Variants in RBFOX1 observed in about 807,000 individuals in gnomAD.
RBFOX1 encodes RNA binding protein fox-1 homolog 1.
RBFOX1 carries 8 observed loss-of-function variants against 57.7 expected under a neutral mutation model. The observed-to-expected ratio is 0.14, with a 90% confidence interval of 0.08 to 0.25. The LOEUF (loss-of-function observed/expected upper bound fraction) is 0.25, where lower values mean the gene tolerates loss of function less well. RBFOX1 is among the 10% of genes least tolerant of loss of function. The probability of loss-of-function intolerance (pLI) is 1.00; values close to 1 mark genes in which losing one functional copy is unlikely to be tolerated. For missense variants in RBFOX1, 611 were observed against 548.5 expected, an observed-to-expected ratio of 1.11 and a Z score of -1.14; for synonymous variants, 326 against 222.4, an observed-to-expected ratio of 1.47 and a Z score of -4.15.
intron 4 of RBFOX1, among the ~76,000 whole-genome samples, chr16:7,366,488 G>A (rs551311187): frequency 1.3e-5 from 2 of 152,272 alleles, no homozygotes; most frequent in Admixed American, 1.3e-4. Flanking sequence ...AAACCCTCCA[G>A]GACAGACAGG....
At chr16:6,873,542 G>A (rs1361046371) in intron 3 of RBFOX1, among the ~76,000 whole-genome samples, 6 of 151,932 alleles carry the variant, frequency 3.9e-5, no homozygotes, top group East Asian at 1.9e-4. Context: ...ATTATTTTCA[G>A]CTTAAAAAAA....
chr16:7,315,062 A>G (rs772135370), intron 4 of RBFOX1, among the ~76,000 whole-genome samples: 12 of 149,498 alleles, frequency 8.0e-5, no homozygotes, highest in Admixed American at 2.7e-4. Flanking sequence ...CCCTCAATCA[A>G]TCTTTCAAGA....
intron 3 of RBFOX1, among the ~76,000 whole-genome samples, chr16:5,738,718 C>T (rs1417924628): frequency 1.3e-5 from 2 of 150,946 alleles, no homozygotes; most frequent in African/African-American, 4.9e-5. Context: ...AGGTTTTCCA[C>T]TGGGGCATTT....
chr16:5,663,305 G>C (rs2049718474), intron 3 of RBFOX1, among the ~76,000 whole-genome samples: 1 of 152,052 alleles, frequency 6.6e-6, no homozygotes. Flanking sequence ...CAACCTCCTG[G>C]GTTCAAGAGG....
chr16:6,435,030 T>C (rs75906082), intron 2 of RBFOX1, among the ~76,000 whole-genome samples: 1 of 152,172 alleles, frequency 6.6e-6, no homozygotes, highest in Non-Finnish European at 1.5e-5. Flanking sequence ...GCCCTGAGTC[T>C]AAGCTCCAGC....
chr16:7,364,509 C>T (rs183987219), intron 4 of RBFOX1, among the ~76,000 whole-genome samples: 1 of 147,670 alleles, frequency 6.8e-6, no homozygotes, highest in African/African-American at 2.5e-5. Flanking sequence ...TCTACTTGGA[C>T]TATCTTTGGC....
At chr16:5,424,992 T>C (rs903027508) in intron 1 of RBFOX1, among the ~76,000 whole-genome samples, 1 of 57,148 alleles carries the variant, frequency 1.7e-5, no homozygotes, top group Non-Finnish European at 5.1e-5. Context: ...TCTTTTCTTT[T>C]CTTTTCTTTT....
chr16:7,061,911 C>T (rs183823950), intron 4 of RBFOX1, among the ~76,000 whole-genome samples: 4 of 152,074 alleles, frequency 2.6e-5, no homozygotes, highest in Non-Finnish European at 4.4e-5. Flanking sequence ...AATAGGGCAT[C>T]TCTAGTTCCC....
At chr16:5,837,556 G>C (rs1007790595) in intron 3 of RBFOX1, among the ~76,000 whole-genome samples, 4 of 151,076 alleles carry the variant, frequency 2.6e-5, no homozygotes, top group African/African-American at 9.7e-5. Flanking sequence ...TGTTGGGGCA[G>C]GAGGAGGTGG....
At position 7,453,084 on chromosome 16, in the gene RBFOX1, G is replaced by A. The variant is rs111235596; in HGVS notation, c.28-65063G>A. Among the ~76,000 whole-genome samples the A allele has an allele frequency of 4.9e-3, 722 of 145,888 alleles. 4 individuals are homozygous for A. Among genetic ancestry groups the A allele is most frequent in the African/African-American group, 0.017 (658 of 39,162 alleles). On this transcript the variant is annotated intron_variant, in intron 4 of 15. Coordinates refer to ENST00000550418, the MANE Select transcript of RBFOX1 (RefSeq NM_018723.4). ...GTGGAGGTTGCAGTGAGCTGAGATC[G>A]CACCACTGCACTCCAGGCTGGATGA...
chr16:6,069,197 G>A (rs141518911), intron 1 of RBFOX1, among the ~76,000 whole-genome samples: 3,119 of 152,066 alleles, frequency 0.021, 113 homozygotes, highest in African/African-American at 0.071. Flanking sequence ...TCGGGAGTTG[G>A]AGACCAGCCT....
intron 2 of RBFOX1, among the ~76,000 whole-genome samples, chr16:5,491,686 A>G (rs532733631): frequency 6.6e-6 from 1 of 152,340 alleles, no homozygotes; most frequent in South Asian, 2.1e-4. Context: ...GCCATGAGCT[A>G]GACTTTGCAT....
chr16:6,620,939 TTC>T (rs1270899633), intron 2 of RBFOX1, among the ~76,000 whole-genome samples: 2 of 152,224 alleles, frequency 1.3e-5, no homozygotes, highest in Non-Finnish European at 1.5e-5. Context: ...CAAAATTTTA[TTC>T]TCTCACAATT....
At chr16:7,094,773 T>TGTGTGG (rs1272219459) in intron 4 of RBFOX1, among the ~76,000 whole-genome samples, 38 of 141,032 alleles carry the variant, frequency 2.7e-4, no homozygotes, top group Admixed American at 4.3e-4. Flanking sequence ...TGTGTGTGTG[T>TGTGTGG]GTGGGTGTGT....
chr16:5,980,823 G>C (rs2060156852), intron 4 of RBFOX1, among the ~76,000 whole-genome samples: 1 of 151,774 alleles, frequency 6.6e-6, no homozygotes, highest in Non-Finnish European at 1.5e-5. Context: ...AGAGGGAGCA[G>C]ACCTCAGGCT....
At chr16:6,644,503 C>T (rs74005613) in intron 2 of RBFOX1, among the ~76,000 whole-genome samples, 1 of 152,100 alleles carries the variant, frequency 6.6e-6, no homozygotes, top group Non-Finnish European at 1.5e-5. Context: ...GAACCTTTGA[C>T]TGTGTCTCCT....
intron 5 of RBFOX1, among the ~76,000 whole-genome samples, chr16:7,525,948 G>T (rs2152313960): frequency 6.6e-6 from 1 of 152,214 alleles, no homozygotes; most frequent in Non-Finnish European, 1.5e-5. Flanking sequence ...TAAAATAGGG[G>T]TACCCAACTC....
At chr16:5,430,111 T>C (rs1286831028) in intron 1 of RBFOX1, among the ~76,000 whole-genome samples, 2 of 152,184 alleles carry the variant, frequency 1.3e-5, no homozygotes, top group African/African-American at 4.8e-5. Flanking sequence ...AATTCTCCAC[T>C]GACCATCAGC....
chr16:6,925,181 T>C (rs907571910), intron 3 of RBFOX1, among the ~76,000 whole-genome samples: 3 of 129,162 alleles, frequency 2.3e-5, no homozygotes, highest in Non-Finnish European at 4.7e-5. Context: ...TTGCCTAGAC[T>C]GGAGTGCAGT....
Sources: gnomAD v4.1 joint callset for allele counts (sites outside exome capture counted in the v4.1 genomes callset) on GRCh38, gnomAD v4.1.1 for gene constraint, MANE v1.5 for transcripts, NCBI Gene and HGNC (gene_info 2026-07-23, HGNC 2026-07-21) for gene names.